PRKG1: variants seen among roughly 807,000 people sequenced by gnomAD.
The protein encoded by PRKG1 is cGMP-dependent protein kinase 1.
In PRKG1, 35 loss-of-function variants were observed where a neutral mutation model predicts 88.1. That is an observed-to-expected ratio of 0.40 (90% CI 0.30 to 0.53). The LOEUF (loss-of-function observed/expected upper bound fraction) is 0.53, where lower values mean the gene tolerates loss of function less well. PRKG1 is among the 20% of genes least tolerant of loss of function. The pLI, the probability that PRKG1 is intolerant of heterozygous loss-of-function variation, is 0.59. For synonymous variants in PRKG1, 303 were observed against 292.5 expected (o/e 1.04, Z -0.37); for missense variants, 540 against 839.8 (o/e 0.64, Z 4.41).
At chr10:51,275,040 G>A (rs1462755583) in intron 2 of PRKG1, among the ~76,000 whole-genome samples, 4 of 152,194 alleles carry the variant, frequency 2.6e-5, no homozygotes, top group Non-Finnish European at 4.4e-5. Context: ...TTAAAGTGCC[G>A]TGAATGACTC....
At chr10:52,086,712 A>C (rs1376535509) in intron 7 of PRKG1, among the ~76,000 whole-genome samples, 2 of 152,048 alleles carry the variant, frequency 1.3e-5, no homozygotes, top group Admixed American at 6.6e-5. Flanking sequence ...TATGTACCCT[A>C]ATTCCCTCAA....
intron 4 of PRKG1, among the ~76,000 whole-genome samples, chr10:51,876,783 A>G (rs1314907322): frequency 6.6e-6 from 1 of 152,112 alleles, no homozygotes; most frequent in East Asian, 1.9e-4. Context: ...AGCACCACTC[A>G]CCCAGAGACC....
At chr10:51,903,212 G>C (rs535811825) in intron 4 of PRKG1, among the ~76,000 whole-genome samples, 165 of 151,998 alleles carry the variant, frequency 1.1e-3, no homozygotes, top group African/African-American at 3.8e-3. Context: ...ACTATAGAGA[G>C]GAATAACAGC....
At chr10:51,361,197 G>C (rs1842473124) in intron 2 of PRKG1, among the ~76,000 whole-genome samples, 1 of 151,880 alleles carries the variant, frequency 6.6e-6, no homozygotes, top group Non-Finnish European at 1.5e-5. Context: ...AACCTCCACA[G>C]GTGCCACTGC....
chr10:51,206,300 GC>G (rs1487842923), intron 2 of PRKG1, among the ~76,000 whole-genome samples: 1 of 151,772 alleles, frequency 6.6e-6, no homozygotes, highest in Non-Finnish European at 1.5e-5. Flanking sequence ...GATCAGCCTG[GC>G]CAAGATGGTG....
intron 9 of PRKG1, among the ~76,000 whole-genome samples, chr10:52,210,638 T>C (rs900954134): frequency 6.6e-6 from 1 of 152,170 alleles, no homozygotes; most frequent in Non-Finnish European, 1.5e-5. Context: ...ATTTATGGAA[T>C]AAAACAAAGA....
chr10:51,588,699 A>G (rs1201302369), intron 3 of PRKG1, among the ~76,000 whole-genome samples: 2 of 152,226 alleles, frequency 1.3e-5, no homozygotes, highest in Non-Finnish European at 2.9e-5. Context: ...ATCTATGACT[A>G]GAAAATTAAC....
chr10:52,172,318 G>T (rs190580088), intron 9 of PRKG1, among the ~76,000 whole-genome samples: 1 of 152,146 alleles, frequency 6.6e-6, no homozygotes, highest in Non-Finnish European at 1.5e-5. Flanking sequence ...CTTGATTGCT[G>T]AGTCTGTTTC....
chr10:51,448,751 A>G (rs1471158827), intron 2 of PRKG1, among the ~76,000 whole-genome samples: 1 of 151,914 alleles, frequency 6.6e-6, no homozygotes, highest in East Asian at 1.9e-4. Context: ...GACTCATGGC[A>G]GATTTATTTG....
At chr10:51,496,883 T>A (rs986190687) in intron 3 of PRKG1, among the ~76,000 whole-genome samples, 3 of 152,240 alleles carry the variant, frequency 2.0e-5, no homozygotes, top group Non-Finnish European at 2.9e-5. Flanking sequence ...TGTAATCTAA[T>A]CATTCTACGC....
chr10:51,737,562 A>G (rs1837311309), intron 3 of PRKG1, among the ~76,000 whole-genome samples: 1 of 152,056 alleles, frequency 6.6e-6, no homozygotes, highest in Non-Finnish European at 1.5e-5. Flanking sequence ...GTTGTCGGAC[A>G]GGGACTCTCA....
intron 1 of PRKG1, among the ~76,000 whole-genome samples, chr10:51,001,157 A>G (rs2339687): frequency 0.18 from 27,048 of 152,264 alleles, 2,975 homozygotes; most frequent in South Asian, 0.3. Flanking sequence ...AGTGAGGTCC[A>G]TGGCTGAAGA....
intron 9 of PRKG1, among the ~76,000 whole-genome samples, chr10:52,177,123 A>G (rs1838887901): frequency 6.6e-6 from 1 of 152,062 alleles, no homozygotes. Flanking sequence ...TTCAGATTTT[A>G]CCCATTCAGT....
chr10:51,366,915 C>T (rs546096421), intron 2 of PRKG1, among the ~76,000 whole-genome samples: 1 of 151,788 alleles, frequency 6.6e-6, no homozygotes, highest in African/African-American at 2.4e-5. Context: ...CCGACCCCTC[C>T]GACCCCCTGC....
chr10:51,833,531 A>T (rs1233990745), intron 4 of PRKG1, among the ~76,000 whole-genome samples: 1 of 152,228 alleles, frequency 6.6e-6, no homozygotes, highest in Non-Finnish European at 1.5e-5. Flanking sequence ...GTAGAGCTGC[A>T]TGGAAACGTG....
chr10:51,850,856 CAG>C (rs1840535563), intron 4 of PRKG1, among the ~76,000 whole-genome samples: 1 of 152,046 alleles, frequency 6.6e-6, no homozygotes. Context: ...TGAGAGGAAA[CAG>C]GTATTCTCAT....
chr10:51,212,291 C>G (rs1469781935), intron 2 of PRKG1, among the ~76,000 whole-genome samples: 2 of 151,962 alleles, frequency 1.3e-5, no homozygotes, highest in East Asian at 3.8e-4. Flanking sequence ...GGATCCCTTC[C>G]TTACACCTTA....
At chr10:51,192,478 C>A (rs1348257867) in intron 2 of PRKG1, among the ~76,000 whole-genome samples, 3 of 151,910 alleles carry the variant, frequency 2.0e-5, no homozygotes, top group African/African-American at 7.2e-5. Context: ...AAAATGTAGT[C>A]TGGACTTTTA....
chr10:51,449,839 T>C (rs979059351), intron 2 of PRKG1, among the ~76,000 whole-genome samples: 40 of 151,628 alleles, frequency 2.6e-4, no homozygotes, highest in Admixed American at 1.7e-3. Flanking sequence ...ATTCCTTTTT[T>C]AATTTACTTT....
Sources: allele counts gnomAD v4.1 joint callset (sites outside exome capture counted in the v4.1 genomes callset), GRCh38; gene constraint gnomAD v4.1.1; transcripts MANE v1.5; gene names NCBI Gene and HGNC (gene_info 2026-07-23, HGNC 2026-07-21).